Variants in MAD1L1 observed in about 807,000 individuals in gnomAD.
MAD1L1 encodes the protein mitotic spindle assembly checkpoint protein MAD1.
MAD1L1 carries 95 observed loss-of-function variants against 96.9 expected under a neutral mutation model. That is an observed-to-expected ratio of 0.98 (90% confidence interval 0.83 to 1.16). The LOEUF (loss-of-function observed/expected upper bound fraction) is 1.16. Among genes scored for constraint, MAD1L1 ranks in the 50% most tolerant of loss-of-function variants. The pLI is 0.00. For missense variants in MAD1L1, 1,007 were observed against 954.4 expected, an observed-to-expected ratio of 1.06 and a Z score of -0.73; for synonymous variants, 473 against 396.6, an observed-to-expected ratio of 1.19 and a Z score of -2.29.
At position 2,168,760 on chromosome 7, in the gene MAD1L1, G is replaced by T. The variant is rs528097834; in HGVS notation, c.987-19522C>A. Among the ~76,000 whole-genome samples, 9 of 152,392 alleles carry T rather than the reference G, an allele frequency of 5.9e-5. No individual in the cohort carries two copies. In the South Asian group the frequency reaches 1.7e-3, roughly 28 times the overall value. ...GGTCCTGAGGCCGGAACACCAAGGA[G>T]CTCTGGGAGGGTGGAGGAAGAACAC... is the stretch of plus-strand genomic sequence containing the variant. On this transcript the variant is annotated intron_variant, in intron 10 of 18. Transcript: ENST00000265854.
chr7:1,924,086 G>A (rs552184713), intron 17 of MAD1L1, among the ~76,000 whole-genome samples: 1 of 152,332 alleles, frequency 6.6e-6, no homozygotes, highest in South Asian at 2.1e-4. Context: ...ACCTGCCAGG[G>A]AAAACACGAC....
At chr7:1,999,631 G>A (rs927271055) in intron 14 of MAD1L1, among the ~76,000 whole-genome samples, 2 of 152,054 alleles carry the variant, frequency 1.3e-5, no homozygotes, top group African/African-American at 4.8e-5. Context: ...GCTGGCCCCA[G>A]CCCCTTTCGA....
chr7:2,099,723 G>T (rs1487156982), intron 11 of MAD1L1, among the ~76,000 whole-genome samples: 1 of 152,206 alleles, frequency 6.6e-6, no homozygotes, highest in African/African-American at 2.4e-5. Flanking sequence ...GACCCAGGAA[G>T]CACCCGGGCC....
chr7:1,919,769 G>C (rs1452587367), intron 17 of MAD1L1, among the ~76,000 whole-genome samples: 1 of 152,248 alleles, frequency 6.6e-6, no homozygotes, highest in Non-Finnish European at 1.5e-5. Flanking sequence ...CTGGGACCAT[G>C]GCCCAAGTCC....
chr7:2,042,447 T>C (rs1156254253), intron 12 of MAD1L1, among the ~76,000 whole-genome samples: 1 of 152,206 alleles, frequency 6.6e-6, no homozygotes, highest in Non-Finnish European at 1.5e-5. Flanking sequence ...GCGTTTAGAA[T>C]CTGCAGCTAA....
rs184435189 is a variant in MAD1L1, at chr7:1,944,358, T to C, written c.1597-7461A>G. 1.4e-4 allele frequency among the ~76,000 whole-genome samples: 21 copies of C among 152,068 alleles called. No individual in the cohort carries two copies. The East Asian group carries it at 4.1e-3, about 29-fold the overall frequency. On this transcript the variant is annotated intron_variant, in intron 16 of 18. Transcript: ENST00000265854. ...GCCCCCTTCAAAGGGACGAGGTACG[T>C]GGAATGTGCGTCGCATTTCAATAGA...
intron 18 of MAD1L1, among the ~76,000 whole-genome samples, chr7:1,860,939 C>T (rs1784513980): frequency 6.6e-6 from 1 of 152,192 alleles, no homozygotes; most frequent in Non-Finnish European, 1.5e-5. Flanking sequence ...CCACCCAGTT[C>T]TGGGTCTTGC....
chr7:2,089,810 G>A (rs2128544263), intron 11 of MAD1L1, among the ~76,000 whole-genome samples: 1 of 152,310 alleles, frequency 6.6e-6, no homozygotes, highest in South Asian at 2.1e-4. Flanking sequence ...AAAACAAAGT[G>A]TCCAATAATC....
At chr7:1,843,844 T>A (rs1583528204) in intron 18 of MAD1L1, among the ~76,000 whole-genome samples, 2 of 152,288 alleles carry the variant, frequency 1.3e-5, no homozygotes, top group South Asian at 4.1e-4. Flanking sequence ...GAGCGTGAGC[T>A]CCGAATGATT....
intron 14 of MAD1L1, among the ~76,000 whole-genome samples, chr7:2,000,233 C>T (rs1781730873): frequency 6.6e-6 from 1 of 152,140 alleles, no homozygotes. Flanking sequence ...CTCTCTACCT[C>T]ACCTGCATCT....
chr7:1,937,520 C>T (rs766112161), intron 16 of MAD1L1, among the ~76,000 whole-genome samples: 1 of 151,988 alleles, frequency 6.6e-6, no homozygotes, highest in African/African-American at 2.4e-5. Flanking sequence ...GGTGACCGAC[C>T]CCCAGCAACA....
At chr7:2,033,132 A>C (rs1783305317) in intron 12 of MAD1L1, among the ~76,000 whole-genome samples, 1 of 151,956 alleles carries the variant, frequency 6.6e-6, no homozygotes, top group East Asian at 1.9e-4. Context: ...CCACTCATAC[A>C]CTCGCCAGCC....
intron 10 of MAD1L1, among the ~76,000 whole-genome samples, chr7:2,176,315 T>A (rs1584486750): frequency 6.6e-6 from 1 of 152,042 alleles, no homozygotes; most frequent in African/African-American, 2.4e-5. Flanking sequence ...ACCACTGCAC[T>A]CCAGACTGGG....
chr7:2,096,161 G>A (rs964072673), intron 11 of MAD1L1, among the ~76,000 whole-genome samples: 38 of 152,250 alleles, frequency 2.5e-4, no homozygotes, highest in Non-Finnish European at 7.3e-5. Context: ...CAGAAGAAAG[G>A]TGAATTCCAG....
intron 10 of MAD1L1, among the ~76,000 whole-genome samples, chr7:2,173,645 G>A (rs934051917): frequency 1.3e-5 from 2 of 152,136 alleles, no homozygotes; most frequent in Non-Finnish European, 2.9e-5. Context: ...TCTGAGGACT[G>A]AGCACCATCT....
chr7:1,892,078 G>A (rs1323536765), intron 18 of MAD1L1, among the ~76,000 whole-genome samples: 6 of 152,172 alleles, frequency 3.9e-5, no homozygotes, highest in African/African-American at 7.2e-5. Context: ...CAGGTGCACC[G>A]TCTTCCACCC....
chr7:1,993,299 A>G (rs1781428361), intron 14 of MAD1L1, among the ~76,000 whole-genome samples: 2 of 152,240 alleles, frequency 1.3e-5, no homozygotes, highest in Admixed American at 6.5e-5. Flanking sequence ...CAGGGAGGGC[A>G]CAGGGCTTCT....
chr7:2,020,315 T>C (rs4721313), intron 12 of MAD1L1, among the ~76,000 whole-genome samples: 152,009 of 152,284 alleles, frequency 1, 75,868 homozygotes, highest in Middle Eastern at 1. Context: ...GGCCCGAGAT[T>C]GCTATCCACA....
At chr7:2,214,967 C>A (rs1316233645) in intron 9 of MAD1L1, among the ~76,000 whole-genome samples, 1 of 152,208 alleles carries the variant, frequency 6.6e-6, no homozygotes. Flanking sequence ...CACAGAGGCT[C>A]ACGCCTGTCA....
Sources: allele counts gnomAD v4.1 joint callset (sites outside exome capture counted in the v4.1 genomes callset), GRCh38; gene constraint gnomAD v4.1.1; transcripts MANE v1.5; gene names NCBI Gene and HGNC (gene_info 2026-07-23, HGNC 2026-07-21).